The following CD247 variants were observed in gnomAD, a reference collection of about 807,000 sequenced individuals.
CD247 encodes the protein T-cell surface glycoprotein CD3 zeta chain.
CD247 carries 13 observed loss-of-function variants against 30.0 expected under a neutral mutation model. The ratio of observed to expected loss-of-function variants is 0.43; its 90% CI spans 0.28 to 0.69. CD247 has a LOEUF of 0.69. Ranked by LOEUF, CD247 falls within the 30% of genes least tolerant of loss-of-function variation. CD247 has a pLI of 0.16. For missense variants in CD247, 193 were observed against 212.6 expected, an observed-to-expected ratio of 0.91 and a Z score of 0.57; for synonymous variants, 72 against 80.0, an observed-to-expected ratio of 0.90 and a Z score of 0.53.
intron 2 of CD247, 40 bp downstream of exon 2, chr1:167,440,624 G>A (rs762614547): frequency 7.2e-7 from 1 of 1,380,714 alleles, no homozygotes; most frequent in Non-Finnish European, 1.0e-6. Context: ...CATCAAGTGG[G>A]GGACCCCGTG....
chr1:167,473,708 G>T (rs1438992339), intron 1 of CD247, among the ~76,000 whole-genome samples: 2 of 152,182 alleles, frequency 1.3e-5, no homozygotes, highest in African/African-American at 4.8e-5. Flanking sequence ...TCTGGTCAGG[G>T]TATAGAAACC....
chr1:167,453,373 C>A (rs2102014160), intron 1 of CD247, among the ~76,000 whole-genome samples: 1 of 152,182 alleles, frequency 6.6e-6, no homozygotes, highest in African/African-American at 2.4e-5. Context: ...TCTTGCCGGG[C>A]CTTTGTTCTT....
intron 5 of CD247, chr1:167,434,856 G>T: frequency 2.2e-6 from 1 of 462,656 alleles, no homozygotes; most frequent in Non-Finnish European, 4.3e-6. Context: ...AAGAAGGGAA[G>T]GTCTGGACAG....
At position 167,488,404 on chromosome 1, in the gene CD247, C is replaced by G. The variant is rs12410290; in HGVS notation, c.58+30004G>C. On this transcript the variant is annotated intron_variant, in intron 1 of 7. Transcript: ENST00000362089. ...AGATTGGGCTCAACTCCAAGTACAG[C>G]AAGTGGGCATTTATGCCAAGGAGCA... Among the ~76,000 whole-genome samples the G allele has an allele frequency of 4.0e-3, 616 of 152,322 alleles. 30 individuals are homozygous for G. The highest frequency in any genetic ancestry group is 0.038 in the Admixed American group (575 of 15,296).
At chr1:167,444,759 G>A (rs1651991902) in intron 1 of CD247, among the ~76,000 whole-genome samples, 1 of 152,138 alleles carries the variant, frequency 6.6e-6, no homozygotes, top group Non-Finnish European at 1.5e-5. Context: ...TACAACAAAT[G>A]TAAATTTCTG....
intron 1 of CD247, among the ~76,000 whole-genome samples, chr1:167,512,343 G>T (rs569901438): frequency 6.6e-6 from 1 of 152,256 alleles, no homozygotes; most frequent in South Asian, 2.1e-4. Flanking sequence ...AAAGTATTTG[G>T]AGAGGCAAGG....
intron 5 of CD247, chr1:167,434,628 C>T: frequency 2.6e-6 from 1 of 379,396 alleles, no homozygotes; most frequent in African/African-American, 2.1e-5. Context: ...CAGAAGACTT[C>T]AGCACCCAGG....
Position 167,431,754 on chromosome 1 carries a change from G to A in CD247, c.430-8C>T. 6.2e-7 allele frequency: 1 copy of A among 1,613,844 alleles called. No homozygotes were observed. Among genetic ancestry groups the A allele is most frequent in the South Asian group, 1.1e-5 (1 of 91,072 alleles). ...GGTGGCTGTACTGAGACCCTGGCGT[G>A]AAAGCAAATCAGAAAACAAAGAGTG... On this transcript the variant is annotated splice_polypyrimidine_tract_variant and splice_region_variant and intron_variant, in intron 7 of 7. Coordinates refer to ENST00000362089, the MANE Select transcript of CD247 (RefSeq NM_198053.3).
chr1:167,516,886 C>A (rs1370898216), intron 1 of CD247, among the ~76,000 whole-genome samples: 1 of 152,142 alleles, frequency 6.6e-6, no homozygotes, highest in Non-Finnish European at 1.5e-5. Flanking sequence ...TTCTTTCTAA[C>A]TTCACTTTGC....
At chr1:167,487,685 G>T (rs969919404) in intron 1 of CD247, among the ~76,000 whole-genome samples, 16 of 152,322 alleles carry the variant, frequency 1.1e-4, no homozygotes, top group African/African-American at 3.8e-4. Context: ...CAAAAAGAAT[G>T]AGTACCAGGC....
chr1:167,486,209 T>A (rs1654200999), intron 1 of CD247, among the ~76,000 whole-genome samples: 1 of 152,202 alleles, frequency 6.6e-6, no homozygotes, highest in African/African-American at 2.4e-5. Flanking sequence ...GGTTTGGTTC[T>A]TGCACCAGCC....
rs185909285 is a variant in CD247 at position 167,463,876 on chromosome 1, G to A, written c.59-23109C>T. 7.2e-5 allele frequency among the ~76,000 whole-genome samples: 11 copies of A among 152,260 alleles called. No homozygotes were observed. In the East Asian group the frequency reaches 1.7e-3, roughly 24 times the overall value. ...CGTGTCCTACGAATTTACAGGGGAT[G>A]GTCAGAGAAATGGTGACAAAGAAAA... On this transcript the variant is annotated intron_variant, in intron 1 of 7. Coordinates refer to ENST00000362089, the MANE Select transcript of CD247 (RefSeq NM_198053.3).
intron 1 of CD247, among the ~76,000 whole-genome samples, chr1:167,458,897 C>T (rs112059667): frequency 0.069 from 10,380 of 150,658 alleles, 910 homozygotes; most frequent in African/African-American, 0.21. Flanking sequence ...CTGAGGCAGG[C>T]GGATCACTTG....
intron 1 of CD247, among the ~76,000 whole-genome samples, chr1:167,472,720 G>A (rs189690045): frequency 2.6e-5 from 4 of 152,186 alleles, no homozygotes; most frequent in African/African-American, 9.6e-5. Flanking sequence ...GTGGGCAAAG[G>A]CATCTGTTGG....
chr1:167,506,030 C>T (rs973240335), intron 1 of CD247, among the ~76,000 whole-genome samples: 16 of 152,168 alleles, frequency 1.1e-4, no homozygotes, highest in Non-Finnish European at 4.4e-5. Flanking sequence ...TTGCCATTTG[C>T]TTATGACATG....
chr1:167,474,795 C>T (rs2102054443), intron 1 of CD247, among the ~76,000 whole-genome samples: 1 of 150,018 alleles, frequency 6.7e-6, no homozygotes, highest in East Asian at 1.9e-4. Flanking sequence ...GCTCTGTCCC[C>T]AGGCTGGAGT....
rs139470672 is a variant in CD247 at position 167,470,694 on chromosome 1, T to G, written c.59-29927A>C. ...TCATATGTTAGGGTTTGTGTTTGTT[T>G]GATTTTTCTTAGTATTACCTATTTT... On this transcript the variant is annotated intron_variant, in intron 1 of 7. Coordinates refer to ENST00000362089, the MANE Select transcript of CD247 (RefSeq NM_198053.3). Among the ~76,000 whole-genome samples the G allele has an allele frequency of 3.0e-3, 459 of 152,058 alleles. 2 individuals are homozygous for G. The highest frequency in any genetic ancestry group is 0.01 in the African/African-American group (429 of 41,508).
rs1428627028 is a variant in CD247 at position 167,440,247 on chromosome 1, T to C, written c.162+417A>G. On this transcript the variant is annotated intron_variant, in intron 2 of 7. Coordinates refer to ENST00000362089, the MANE Select transcript of CD247 (RefSeq NM_198053.3). ...AATCCAGGGTCTGCAAGGCACCAAGTGAAAAACCCACGCTCTGGTCAGCTC... is the reference window on the plus strand; with the variant it reads ...AATCCAGGGTCTGCAAGGCACCAAGCGAAAAACCCACGCTCTGGTCAGCTC... 1.8e-5 allele frequency: 5 copies of C among 270,380 alleles called. No individual in the cohort carries two copies. In the Admixed American group the frequency reaches 2.0e-4, roughly 11 times the overall value. 16.7% of individuals were successfully genotyped at this position (270,380 alleles called of 1,614,324 possible). A position where few individuals can be genotyped will look rare whatever the true frequency, so the allele number is the denominator to read the frequency against.
At chr1:167,435,826 C>T (rs1651522198) in intron 4 of CD247, among the ~76,000 whole-genome samples, 1 of 152,250 alleles carries the variant, frequency 6.6e-6, no homozygotes, top group South Asian at 2.1e-4. Flanking sequence ...AAGGTGCCCT[C>T]CCCACACCCT....
Sources: allele counts gnomAD v4.1 joint callset (sites outside exome capture counted in the v4.1 genomes callset), GRCh38; gene constraint gnomAD v4.1.1; transcripts MANE v1.5; gene names NCBI Gene and HGNC (gene_info 2026-07-23, HGNC 2026-07-21).